The following NDRG3 variants were observed in gnomAD, a reference collection of about 807,000 sequenced individuals.
The protein encoded by NDRG3 is protein NDRG3.
A neutral mutation model predicts 57.2 loss-of-function variants in NDRG3; 23 were observed. That is an observed-to-expected ratio of 0.40 (90% CI 0.29 to 0.57). The LOEUF is 0.57. Among genes scored for constraint, NDRG3 ranks in the 20% least tolerant of loss-of-function variants. NDRG3 has a pLI of 0.42. For missense variants in NDRG3, 384 were observed against 457.3 expected, an observed-to-expected ratio of 0.84 and a Z score of 1.46; for synonymous variants, 132 against 162.6, an observed-to-expected ratio of 0.81 and a Z score of 1.43.
intron 3 of NDRG3, chr20:36,700,639 T>C (rs989227577): frequency 1.1e-5 from 4 of 360,274 alleles, no homozygotes; most frequent in African/African-American, 4.3e-5. Context: ...AGTTATCTCA[T>C]CTCCCACCCC....
chr20:36,684,939 A>G (rs984229504), intron 5 of NDRG3, among the ~76,000 whole-genome samples: 2 of 152,180 alleles, frequency 1.3e-5, no homozygotes, highest in Non-Finnish European at 2.9e-5. Context: ...ATTGTGGCAT[A>G]TTGTGTAACT....
Position 36,706,879 on chromosome 20 carries a change from T to C in NDRG3, c.93+93A>G, listed in dbSNP as rs1250841009. The C allele has an allele frequency of 3.8e-6, 4 of 1,062,218 alleles. No homozygotes were observed. The South Asian group carries it at 5.7e-5, about 15-fold the overall frequency. 65.8% of individuals were successfully genotyped at this position (1,062,218 alleles called of 1,614,324 possible). A position where few individuals can be genotyped will look rare whatever the true frequency, so the allele number is the denominator to read the frequency against. The stretch of plus-strand genomic sequence containing the variant: ...ATTAAGGACTCATTATTAGCTATAA[T>C]GAGAGATCCACTTCTACAAGACCAC... On this transcript the variant is annotated intron_variant, in intron 3 of 15. Transcript: ENST00000349004.
chr20:36,728,764 C>G (rs957825044), intron 1 of NDRG3, among the ~76,000 whole-genome samples: 1 of 151,744 alleles, frequency 6.6e-6, no homozygotes, highest in African/African-American at 2.4e-5. Flanking sequence ...CTCACTCTGT[C>G]GCCCAGGCTG....
intron 2 of NDRG3, among the ~76,000 whole-genome samples, chr20:36,715,056 TATATTTAAG>T: frequency 8.2e-6 from 1 of 122,132 alleles, no homozygotes; most frequent in African/African-American, 2.9e-5. Context: ...ATATATATAT[TATATTTAAG>T]TATCTATAGC....
Position 36,660,379 on chromosome 20 carries a change from T to C in NDRG3, c.816A>G (p.Glu272=). The change falls in exon 13 of 16, where the codon GAA becomes GAG. Residue 272 remains glutamate, a synonymous_variant. Transcript: ENST00000349004. ...DNSPAVEAVV[E]CNSRLNPINT... ...TTATAGGGTTCAGGCGGGAATTGCA[T>C]TCGACCTAAAATTTAAAAAAAGAGA... The C allele has an allele frequency of 3.1e-6, 5 of 1,608,282 alleles. No homozygotes were observed. The highest frequency in any genetic ancestry group is 4.2e-6 in the Non-Finnish European group (5 of 1,176,490).
chr20:36,704,211 G>A (rs912113193), intron 3 of NDRG3, among the ~76,000 whole-genome samples: 4 of 152,018 alleles, frequency 2.6e-5, no homozygotes, highest in South Asian at 2.1e-4. Flanking sequence ...TGAGTAGCTC[G>A]GATTACAGAC....
intron 3 of NDRG3, among the ~76,000 whole-genome samples, chr20:36,701,250 T>A (rs1253515761): frequency 1.3e-5 from 2 of 152,154 alleles, no homozygotes; most frequent in African/African-American, 4.8e-5. Context: ...ACAAGGTCTT[T>A]TTAAGGTCAG....
rs117035371 is a variant in NDRG3 at position 36,669,656 on chromosome 20, C to T, written c.588+1685G>A. 7.2e-4 allele frequency among the ~76,000 whole-genome samples: 109 copies of T among 152,136 alleles called. No individual in the cohort carries two copies. In the East Asian group the frequency reaches 0.012, roughly 17 times the overall value. On this transcript the variant is annotated intron_variant, in intron 9 of 15. Coordinates refer to ENST00000349004, the MANE Select transcript of NDRG3 (RefSeq NM_032013.4). ...CTGGGATTACAGGCGTGAGCCATGG[C>T]GCGCGGCCGATTTTTGAATTTTTAT... is the stretch of plus-strand genomic sequence containing the variant.
Position 36,665,107 on chromosome 20 carries a change from C to T in NDRG3, c.759-10G>A. The T allele has an allele frequency of 6.8e-6, 11 of 1,613,978 alleles. No homozygotes were observed. Among genetic ancestry groups the T allele is most frequent in the Non-Finnish European group, 8.5e-6 (10 of 1,179,860 alleles). On this transcript the variant is annotated splice_polypyrimidine_tract_variant and intron_variant, in intron 11 of 15. Coordinates refer to ENST00000349004, the MANE Select transcript of NDRG3 (RefSeq NM_032013.4). ...CAGTAAAGTAGAACACCTAGGTAGGCAAAGTAAGAGGTGTCACTCAGCAAA... is the reference window on the plus strand; with the variant it reads ...CAGTAAAGTAGAACACCTAGGTAGGTAAAGTAAGAGGTGTCACTCAGCAAA...
intron 9 of NDRG3, among the ~76,000 whole-genome samples, chr20:36,670,550 C>T (rs1268610509): frequency 2.0e-5 from 3 of 152,176 alleles, no homozygotes; most frequent in Non-Finnish European, 4.4e-5. Flanking sequence ...TATGTTGCCT[C>T]TCTGGTCTTT....
At chr20:36,689,877 C>T (rs938538790) in intron 3 of NDRG3, among the ~76,000 whole-genome samples, 18 of 152,064 alleles carry the variant, frequency 1.2e-4, no homozygotes, top group Middle Eastern at 3.4e-3. Flanking sequence ...CCTGCCACCA[C>T]GCCCAGCTAA....
intron 1 of NDRG3, among the ~76,000 whole-genome samples, chr20:36,735,913 G>A (rs531113660): frequency 3.2e-4 from 48 of 150,192 alleles, no homozygotes; most frequent in Admixed American, 6.0e-4. Context: ...GGTGGAGGTT[G>A]CAGTGAGCCG....
chr20:36,687,465 TC>T (rs1460547223), intron 5 of NDRG3, 26 bp downstream of exon 5: 1 of 1,609,636 alleles, frequency 6.2e-7, no homozygotes, highest in Non-Finnish European at 8.5e-7. Flanking sequence ...AGTGCACGTC[TC>T]CCAGATGATC....
At chr20:36,675,777 C>T (rs1270691397) in intron 8 of NDRG3, among the ~76,000 whole-genome samples, 1 of 152,122 alleles carries the variant, frequency 6.6e-6, no homozygotes, top group Non-Finnish European at 1.5e-5. Context: ...CTGCCTCAGC[C>T]TCTCAAAGTG....
chr20:36,672,878 T>A (rs1046978707), intron 8 of NDRG3, among the ~76,000 whole-genome samples: 2 of 151,720 alleles, frequency 1.3e-5, no homozygotes, highest in Admixed American at 1.3e-4. Context: ...TAGGACACGA[T>A]TGATTGACAG....
intron 1 of NDRG3, among the ~76,000 whole-genome samples, chr20:36,740,752 A>G (rs1336327961): frequency 6.6e-6 from 1 of 152,246 alleles, no homozygotes; most frequent in Non-Finnish European, 1.5e-5. Flanking sequence ...GATAAAATCA[A>G]AAGACATAAT....
chr20:36,657,138 C>T (rs1978743002), intron 13 of NDRG3, among the ~76,000 whole-genome samples: 1 of 152,122 alleles, frequency 6.6e-6, no homozygotes, highest in Non-Finnish European at 1.5e-5. Flanking sequence ...AACTCAGATT[C>T]TTGGATTCCT....
chr20:36,726,914 C>CTTTTT (rs34520989), intron 1 of NDRG3, among the ~76,000 whole-genome samples: 1 of 125,438 alleles, frequency 8.0e-6, no homozygotes, highest in Non-Finnish European at 1.5e-5. Flanking sequence ...ATCTTTCTTT[C>CTTTTT]TTTTTTTTTT....
chr20:36,696,374 C>T (rs963741936), intron 3 of NDRG3, among the ~76,000 whole-genome samples: 43 of 151,796 alleles, frequency 2.8e-4, no homozygotes, highest in African/African-American at 9.2e-4. Flanking sequence ...GGATTACAGG[C>T]GTGAGTCACT....
Sources: allele counts gnomAD v4.1 joint callset (sites outside exome capture counted in the v4.1 genomes callset), GRCh38; gene constraint gnomAD v4.1.1; transcripts MANE v1.5; gene names NCBI Gene and HGNC (gene_info 2026-07-23, HGNC 2026-07-21).